NALF1: variants seen among roughly 807,000 people sequenced by gnomAD.
NALF1 encodes the protein family with sequence similarity 155 member A.
A neutral mutation model predicts 48.4 loss-of-function variants in NALF1; 3 were observed. That is an observed-to-expected ratio of 0.06 (90% CI 0.03 to 0.16). The LOEUF (loss-of-function observed/expected upper bound fraction) is 0.16. Among genes scored for constraint, NALF1 ranks in the 10% least tolerant of loss-of-function variants. The pLI is 1.00. For missense variants in NALF1, 526 were observed against 571.5 expected, an observed-to-expected ratio of 0.92 and a Z score of 0.81; for synonymous variants, 262 against 245.7, an observed-to-expected ratio of 1.07 and a Z score of -0.62.
intron 1 of NALF1, among the ~76,000 whole-genome samples, chr13:107,301,497 A>C (rs1594110856): frequency 6.6e-6 from 1 of 151,880 alleles, no homozygotes; most frequent in African/African-American, 2.4e-5. Flanking sequence ...CAAAAGCAAA[A>C]CCTTCTGTTC....
At chr13:107,271,504 T>C (rs961767169) in intron 1 of NALF1, among the ~76,000 whole-genome samples, 6 of 152,010 alleles carry the variant, frequency 3.9e-5, no homozygotes, top group African/African-American at 1.5e-4. Flanking sequence ...ATAGCCTGAA[T>C]GAGGCTAGAC....
chr13:107,619,539 C>G (rs183361770), intron 1 of NALF1, among the ~76,000 whole-genome samples: 2 of 152,142 alleles, frequency 1.3e-5, no homozygotes, highest in African/African-American at 4.8e-5. Flanking sequence ...TAATGTAAAA[C>G]GAATTTTAAC....
rs945827257 is a variant in NALF1, at chr13:107,170,404, G to A, written c.*93C>T. 2.3e-6 allele frequency: 3 copies of A among 1,299,686 alleles called. No individual in the cohort carries two copies. The highest frequency in any genetic ancestry group is 1.5e-5 in the African/African-American group (1 of 68,088). The allele number at this position is 1,299,686 out of a possible 1,614,324, so 80.5% of individuals were successfully genotyped here. A position where few individuals can be genotyped will look rare whatever the true frequency, so the allele number is the denominator to read the frequency against. On this transcript the variant is annotated 3_prime_UTR_variant, in exon 3 of 3. Coordinates refer to ENST00000375915, the MANE Select transcript of NALF1 (RefSeq NM_001080396.3). ...CTAAAGGCCTTGCAATAAGTAATTCGAGGGTAAAAGCACCCAGTTTCTGTT... is the reference window on the plus strand; with the variant it reads ...CTAAAGGCCTTGCAATAAGTAATTCAAGGGTAAAAGCACCCAGTTTCTGTT...
intron 1 of NALF1, among the ~76,000 whole-genome samples, chr13:107,232,101 G>C (rs1880239542): frequency 6.6e-6 from 1 of 152,244 alleles, no homozygotes; most frequent in African/African-American, 2.4e-5. Context: ...AGAATGGAGA[G>C]ACGATATGTA....
intron 1 of NALF1, among the ~76,000 whole-genome samples, chr13:107,218,265 G>A (rs1177508399): frequency 3.3e-5 from 5 of 152,222 alleles, no homozygotes; most frequent in South Asian, 2.1e-4. Context: ...GCTCTTCTTC[G>A]GCAGTTCAGT....
intron 1 of NALF1, among the ~76,000 whole-genome samples, chr13:107,760,455 C>A (rs896280077): frequency 6.6e-6 from 1 of 152,164 alleles, no homozygotes; most frequent in African/African-American, 2.4e-5. Flanking sequence ...CTCAACCGAA[C>A]TTCCCCCTTC....
chr13:107,691,571 G>T (rs1383532252), intron 1 of NALF1, among the ~76,000 whole-genome samples: 2 of 152,110 alleles, frequency 1.3e-5, no homozygotes, highest in African/African-American at 4.8e-5. Context: ...AAGTCAAATA[G>T]GACAGCAACA....
intron 1 of NALF1, among the ~76,000 whole-genome samples, chr13:107,863,667 C>G (rs1880637044): frequency 6.6e-6 from 1 of 152,150 alleles, no homozygotes; most frequent in African/African-American, 2.4e-5. Flanking sequence ...TTAACTTCTA[C>G]TTTACACAAA....
intron 1 of NALF1, among the ~76,000 whole-genome samples, chr13:107,287,706 C>CTTTTTTT (rs59607599): frequency 3.1e-5 from 4 of 127,892 alleles, no homozygotes; most frequent in Non-Finnish European, 3.2e-5. Flanking sequence ...TCTTTTCTTT[C>CTTTTTTT]TTTTTTTTTT....
intron 1 of NALF1, among the ~76,000 whole-genome samples, chr13:107,858,115 A>C (rs1880482446): frequency 6.6e-6 from 1 of 152,214 alleles, no homozygotes; most frequent in Admixed American, 6.5e-5. Flanking sequence ...CAGGTTACCT[A>C]AGCCTTTGAC....
chr13:107,329,923 T>C (rs974984729), intron 1 of NALF1, among the ~76,000 whole-genome samples: 1 of 152,130 alleles, frequency 6.6e-6, no homozygotes, highest in African/African-American at 2.4e-5. Flanking sequence ...TTTAAAACTT[T>C]AGACGATTTC....
At chr13:107,610,397 A>G (rs1224207428) in intron 1 of NALF1, among the ~76,000 whole-genome samples, 1 of 152,236 alleles carries the variant, frequency 6.6e-6, no homozygotes, top group Non-Finnish European at 1.5e-5. Context: ...TTAAACACTT[A>G]AAAGAAATAT....
At chr13:107,312,679 C>G (rs904303536) in intron 1 of NALF1, among the ~76,000 whole-genome samples, 1 of 152,094 alleles carries the variant, frequency 6.6e-6, no homozygotes, top group Admixed American at 6.6e-5. Flanking sequence ...ACATCTTTTA[C>G]GAAATTAAGA....
intron 1 of NALF1, among the ~76,000 whole-genome samples, chr13:107,348,994 T>C (rs1312776878): frequency 6.6e-6 from 1 of 152,160 alleles, no homozygotes; most frequent in Non-Finnish European, 1.5e-5. Flanking sequence ...CTTTGGCAAA[T>C]GAGAAATCAA....
chr13:107,246,304 C>T (rs771164053), intron 1 of NALF1, among the ~76,000 whole-genome samples: 1 of 152,130 alleles, frequency 6.6e-6, no homozygotes, highest in African/African-American at 2.4e-5. Flanking sequence ...CATTTCTTTA[C>T]ATTTTATCTC....
chr13:107,226,122 T>A (rs1286097550), intron 1 of NALF1, among the ~76,000 whole-genome samples: 1 of 152,104 alleles, frequency 6.6e-6, no homozygotes, highest in Non-Finnish European at 1.5e-5. Context: ...GACCTTGGTA[T>A]GTTCCTGGGG....
chr13:107,593,818 GAA>G (rs56053087), intron 1 of NALF1, among the ~76,000 whole-genome samples: 112 of 146,182 alleles, frequency 7.7e-4, no homozygotes, highest in Middle Eastern at 3.6e-3. Context: ...TTTTCAACAG[GAA>G]AAAAAAAAAA....
intron 1 of NALF1, chr13:107,788,287 T>C (rs778250374): frequency 2.0e-5 from 3 of 152,238 alleles, no homozygotes; most frequent in Non-Finnish European, 4.4e-5. Flanking sequence ...CTGTTGTCCA[T>C]AATTGGGCCC....
At chr13:107,795,533 T>G (rs1326236775) in intron 1 of NALF1, among the ~76,000 whole-genome samples, 1 of 152,160 alleles carries the variant, frequency 6.6e-6, no homozygotes, top group African/African-American at 2.4e-5. Context: ...AAGAAAATCC[T>G]TTACGCTTTT....
Sources: gnomAD v4.1 joint callset for allele counts (sites outside exome capture counted in the v4.1 genomes callset) on GRCh38, gnomAD v4.1.1 for gene constraint, MANE v1.5 for transcripts, NCBI Gene and HGNC (gene_info 2026-07-23, HGNC 2026-07-21) for gene names.